Variants in RUNX1 observed in about 807,000 individuals in gnomAD.
The protein encoded by RUNX1 is RUNX family transcription factor 1.
A neutral mutation model predicts 42.8 loss-of-function variants in RUNX1; 19 were observed. The ratio of observed to expected loss-of-function variants is 0.44; its 90% CI spans 0.31 to 0.65. The LOEUF is 0.65. Ranked by LOEUF, RUNX1 falls within the 30% of genes least tolerant of loss-of-function variation. The pLI is 0.07. For missense variants in RUNX1, 528 were observed against 672.0 expected (o/e 0.79, Z 2.37); for synonymous variants, 271 against 289.4 (o/e 0.94, Z 0.64).
chr21:34,812,741 C>T (rs780366874), intron 7 of RUNX1, among the ~76,000 whole-genome samples: 11 of 152,174 alleles, frequency 7.2e-5, no homozygotes, highest in Non-Finnish European at 1.5e-4. Flanking sequence ...AAAGATGATA[C>T]TCAGCCCAGC....
chr21:34,881,913 T>C (rs1464827973), intron 4 of RUNX1, among the ~76,000 whole-genome samples: 3 of 152,218 alleles, frequency 2.0e-5, no homozygotes, highest in Non-Finnish European at 4.4e-5. Flanking sequence ...CAACTTCAAA[T>C]CGAAATGCCC....
rs139189294 is a variant in RUNX1, at chr21:34,931,564, G to A, written c.59-38601C>T. Among the ~76,000 whole-genome samples the A allele has an allele frequency of 1.1e-3, 163 of 144,818 alleles. 4 individuals carry two copies. In the East Asian group the frequency reaches 0.031, roughly 27 times the overall value. On this transcript the variant is annotated intron_variant, in intron 2 of 8. Transcript: ENST00000675419. ...GTATTATATTTTATATGTATATAAC[G>A]TGATATATGCGCCTAAATAGACTGT...
At chr21:34,794,857 T>C (rs113833143) in intron 8 of RUNX1, among the ~76,000 whole-genome samples, 2 of 152,180 alleles carry the variant, frequency 1.3e-5, no homozygotes, top group Non-Finnish European at 2.9e-5. Context: ...CATTAGGTGT[T>C]AGTAGCATCG....
chr21:34,887,162 G>C (rs1463580725), intron 3 of RUNX1, 66 bp from the exon 4 acceptor site: 1 of 1,590,238 alleles, frequency 6.3e-7, no homozygotes, highest in Admixed American at 1.7e-5. Flanking sequence ...CTACCAGACG[G>C]CGACAGGGGC....
Position 34,930,270 on chromosome 21 carries a change from G to GTATATA in RUNX1, c.59-37313_59-37308dup, listed in dbSNP as rs1555906427. On this transcript the variant is annotated intron_variant, in intron 2 of 8. Coordinates refer to ENST00000675419, the MANE Select transcript of RUNX1 (RefSeq NM_001754.5). The stretch of plus-strand genomic sequence containing the variant: ...ATGTATATTATACGTGTGTGTGTAT[G>GTATATA]TATATATATATATATATATATAAAT... Among the ~76,000 whole-genome samples, 87 of 123,018 alleles carry GTATATA rather than the reference G, an allele frequency of 7.1e-4. 2 individuals are homozygous for GTATATA. The highest frequency in any genetic ancestry group is 4.1e-3 in the Middle Eastern group (1 of 242). 80.7% of individuals were successfully genotyped at this position (123,018 alleles called of 152,430 possible). A position where few individuals can be genotyped will look rare whatever the true frequency, so the allele number is the denominator to read the frequency against.
At chr21:34,819,139 A>G (rs763598182) in intron 7 of RUNX1, among the ~76,000 whole-genome samples, 14 of 152,220 alleles carry the variant, frequency 9.2e-5, no homozygotes, top group Admixed American at 2.6e-4. Context: ...AGAAGTGCCC[A>G]AGTCAGAGGA....
At chr21:35,006,311 C>T (rs774568507) in intron 2 of RUNX1, among the ~76,000 whole-genome samples, 5 of 152,130 alleles carry the variant, frequency 3.3e-5, no homozygotes, top group Non-Finnish European at 5.9e-5. Context: ...TCCATAAAAG[C>T]CTCAAGGAGG....
At chr21:35,039,648 T>C (rs1187062338) in intron 2 of RUNX1, among the ~76,000 whole-genome samples, 1 of 152,226 alleles carries the variant, frequency 6.6e-6, no homozygotes, top group Non-Finnish European at 1.5e-5. Context: ...ATTATTTCTT[T>C]GTTTTGAATA....
At chr21:34,835,167 C>T (rs1286296808) in intron 6 of RUNX1, among the ~76,000 whole-genome samples, 4 of 152,106 alleles carry the variant, frequency 2.6e-5, no homozygotes, top group Admixed American at 1.3e-4. Flanking sequence ...TCCAGGTACA[C>T]GCAGGGCATC....
intron 2 of RUNX1, among the ~76,000 whole-genome samples, chr21:34,951,245 T>C (rs536405729): frequency 6.6e-6 from 1 of 152,352 alleles, no homozygotes; most frequent in East Asian, 1.9e-4. Flanking sequence ...CCCACCAAAG[T>C]GGCCCCTGTC....
chr21:34,966,711 C>T (rs1446280722), intron 2 of RUNX1, among the ~76,000 whole-genome samples: 1 of 152,092 alleles, frequency 6.6e-6, no homozygotes, highest in Non-Finnish European at 1.5e-5. Context: ...CATCATTTGC[C>T]CTTCTATTTA....
intron 2 of RUNX1, among the ~76,000 whole-genome samples, chr21:34,993,206 T>A (rs1391432918): frequency 1.3e-5 from 2 of 152,220 alleles, no homozygotes; most frequent in African/African-American, 4.8e-5. Flanking sequence ...GAAGGCCAAG[T>A]TTCCCAATCT....
chr21:35,022,919 TA>T (rs1178483104), intron 2 of RUNX1, among the ~76,000 whole-genome samples: 1 of 149,976 alleles, frequency 6.7e-6, no homozygotes, highest in Admixed American at 6.6e-5. Context: ...ATAATAATAA[TA>T]AGGCGGAGAT....
rs186304732 is a variant in RUNX1 at position 34,850,895 on chromosome 21, T to C, written c.613+8579A>G. Among the ~76,000 whole-genome samples, 4 of 152,342 alleles carry C rather than the reference T, an allele frequency of 2.6e-5. No individual in the cohort carries two copies. The East Asian group carries it at 7.7e-4, about 29-fold the overall frequency. On this transcript the variant is annotated intron_variant, in intron 6 of 8. Transcript: ENST00000675419. ...TAAAGTTTTCTCATTTCCAGAAGGA[T>C]TTCAAGACTAAATCTGAATTATACC... is the stretch of plus-strand genomic sequence containing the variant.
At chr21:34,880,252 T>G (rs2057875002) in intron 5 of RUNX1, among the ~76,000 whole-genome samples, 1 of 152,250 alleles carries the variant, frequency 6.6e-6, no homozygotes, top group Non-Finnish European at 1.5e-5. Flanking sequence ...CCTAGTTTCA[T>G]TAAAGTCAGT....
intron 2 of RUNX1, among the ~76,000 whole-genome samples, chr21:34,940,747 G>A (rs989598781): frequency 2.6e-5 from 4 of 152,222 alleles, no homozygotes; most frequent in South Asian, 4.1e-4. Flanking sequence ...GAGGTAAGAA[G>A]ACGCTTCATC....
chr21:34,802,178 A>C (rs1041039897), intron 7 of RUNX1, among the ~76,000 whole-genome samples: 11 of 152,234 alleles, frequency 7.2e-5, no homozygotes, highest in African/African-American at 2.4e-4. Flanking sequence ...GATGGGAGTT[A>C]TCCAGAAAAG....
At chr21:35,028,338 G>T (rs1601688891) in intron 2 of RUNX1, among the ~76,000 whole-genome samples, 2 of 152,136 alleles carry the variant, frequency 1.3e-5, no homozygotes, top group East Asian at 3.9e-4. Flanking sequence ...TCCCTGGTCT[G>T]CAGGTTTAAG....
intron 7 of RUNX1, among the ~76,000 whole-genome samples, chr21:34,821,066 A>C (rs1601391610): frequency 6.6e-6 from 1 of 152,334 alleles, no homozygotes; most frequent in East Asian, 1.9e-4. Flanking sequence ...TGGTTATGGG[A>C]AGGTCTCCTG....
Sources: gnomAD v4.1 joint callset for allele counts (sites outside exome capture counted in the v4.1 genomes callset) on GRCh38, gnomAD v4.1.1 for gene constraint, MANE v1.5 for transcripts, NCBI Gene and HGNC (gene_info 2026-07-23, HGNC 2026-07-21) for gene names.